The following FRMD5 variants were observed in gnomAD, a reference collection of about 807,000 sequenced individuals.
The protein encoded by FRMD5 is FERM domain containing 5.
FRMD5 carries 20 observed loss-of-function variants against 69.0 expected under a neutral mutation model. That is an observed-to-expected ratio of 0.29 (90% CI 0.20 to 0.42). The LOEUF is 0.42. FRMD5 is among the 10% of genes least tolerant of loss of function. FRMD5 has a pLI of 1.00. For missense variants in FRMD5, 595 were observed against 708.6 expected, an observed-to-expected ratio of 0.84 and a Z score of 1.82; for synonymous variants, 271 against 260.1, an observed-to-expected ratio of 1.04 and a Z score of -0.40.
At chr15:44,004,685 C>A (rs753278867) in intron 1 of FRMD5, among the ~76,000 whole-genome samples, 5 of 152,172 alleles carry the variant, frequency 3.3e-5, no homozygotes, top group Admixed American at 1.3e-4. Flanking sequence ...CCTCCCTATA[C>A]CCTGAGACAC....
chr15:43,909,561 A>G (rs2089246805), intron 5 of FRMD5, among the ~76,000 whole-genome samples: 1 of 151,128 alleles, frequency 6.6e-6, no homozygotes, highest in Non-Finnish European at 1.5e-5. Flanking sequence ...GCTCACTGCA[A>G]CCGCCACCTC....
chr15:44,133,390 C>T (rs1297983806), intron 1 of FRMD5, among the ~76,000 whole-genome samples: 1 of 151,574 alleles, frequency 6.6e-6, no homozygotes, highest in Non-Finnish European at 1.5e-5. Context: ...TCCTGGCTAA[C>T]ACGGTGAAAC....
intron 1 of FRMD5, among the ~76,000 whole-genome samples, chr15:44,164,383 T>C (rs1419765962): frequency 6.7e-6 from 1 of 148,378 alleles, no homozygotes; most frequent in Admixed American, 6.7e-5. Context: ...TTATTGGTCA[T>C]TTTTTTTTTG....
At chr15:44,185,184 G>GT (rs993113316) in intron 1 of FRMD5, among the ~76,000 whole-genome samples, 8 of 152,156 alleles carry the variant, frequency 5.3e-5, no homozygotes, top group African/African-American at 9.7e-5. Context: ...TCCTCTCCTG[G>GT]TTTTTTTAAA....
chr15:44,071,717 T>C (rs1893547601), intron 1 of FRMD5, among the ~76,000 whole-genome samples: 2 of 152,330 alleles, frequency 1.3e-5, no homozygotes, highest in Non-Finnish European at 2.9e-5. Flanking sequence ...ATCTCTTCCA[T>C]CATTTCAGCC....
chr15:43,921,483 T>C (rs1170476858), intron 2 of FRMD5, among the ~76,000 whole-genome samples: 1 of 152,126 alleles, frequency 6.6e-6, no homozygotes, highest in Non-Finnish European at 1.5e-5. Context: ...GGCTGGAGGA[T>C]AGTAGCAAGG....
intron 1 of FRMD5, among the ~76,000 whole-genome samples, chr15:44,091,886 G>T (rs1380263713): frequency 6.6e-6 from 1 of 151,964 alleles, no homozygotes; most frequent in Non-Finnish European, 1.5e-5. Context: ...AGTCAAGAGA[G>T]GAAGGAAAAA....
chr15:44,073,269 AC>A (rs2140418894), intron 1 of FRMD5, among the ~76,000 whole-genome samples: 1 of 152,156 alleles, frequency 6.6e-6, no homozygotes, highest in Non-Finnish European at 1.5e-5. Flanking sequence ...CCTTTTCTTG[AC>A]CCTTCCAGAC....
chr15:43,905,874 C>G lies in FRMD5; in HGVS notation c.505G>C (p.Glu169Gln). 1 of 1,614,118 alleles carries G rather than the reference C, an allele frequency of 6.2e-7. No individual in the cohort carries two copies. The highest frequency in any genetic ancestry group is 2.2e-5 in the East Asian group (1 of 44,902). Residue 169 changes from glutamate (E) to glutamine (Q), a missense_variant, in exon 6 of 14, where the codon GAG becomes CAG. Glu to Gln is a conservative substitution (Grantham distance 29). Coordinates refer to ENST00000417257, the MANE Select transcript of FRMD5 (RefSeq NM_032892.5). ...TCAGCAATTTTCCTTTCCAGCTTCT[C>G]TGAATGTTTAGGGAAAAACTGGAAC... ...SKFQFFPKHS[E>Q]KLERKIAEIH...
chr15:44,026,564 G>C (rs938663692), intron 1 of FRMD5, among the ~76,000 whole-genome samples: 1 of 151,972 alleles, frequency 6.6e-6, no homozygotes, highest in Admixed American at 6.5e-5. Context: ...ACTGAACTAC[G>C]AATCTGTTAT....
chr15:44,078,407 C>A (rs970169821), intron 1 of FRMD5, among the ~76,000 whole-genome samples: 2 of 152,012 alleles, frequency 1.3e-5, no homozygotes, highest in African/African-American at 4.8e-5. Flanking sequence ...ACTTCAAAGA[C>A]CACAAGTAAA....
At chr15:44,186,855 G>T (rs1487703954) in intron 1 of FRMD5, among the ~76,000 whole-genome samples, 2 of 152,244 alleles carry the variant, frequency 1.3e-5, no homozygotes, top group Admixed American at 1.3e-4. Flanking sequence ...CAAAGCTCTA[G>T]CCTGGCATTG....
rs139126818 is a variant in FRMD5 at position 44,123,124 on chromosome 15, C to T, written c.102+71829G>A. ...CTTTGGGAGGCCAAGGTGGGTGGAT[C>T]ACCTGAGGTCAGGAGTTTGAGACCA... On this transcript the variant is annotated intron_variant, in intron 1 of 13. Transcript: ENST00000417257. Among the ~76,000 whole-genome samples, 456 of 152,092 alleles carry T rather than the reference C, an allele frequency of 3.0e-3. 11 individuals carry two copies. The East Asian group carries it at 0.051, about 17-fold the overall frequency.
chr15:43,918,800 C>T (rs2089441582), intron 4 of FRMD5, among the ~76,000 whole-genome samples: 1 of 152,206 alleles, frequency 6.6e-6, no homozygotes, highest in Non-Finnish European at 1.5e-5. Flanking sequence ...GTAAATTTCG[C>T]TCAGATACAC....
intron 1 of FRMD5, among the ~76,000 whole-genome samples, chr15:44,191,716 C>G (rs945138503): frequency 4.6e-5 from 7 of 151,564 alleles, no homozygotes; most frequent in African/African-American, 1.7e-4. Flanking sequence ...CAAGTCCAGC[C>G]TAGGCAACAT....
At chr15:44,046,147 G>A (rs1487174148) in intron 1 of FRMD5, among the ~76,000 whole-genome samples, 2 of 152,092 alleles carry the variant, frequency 1.3e-5, no homozygotes, top group Non-Finnish European at 2.9e-5. Context: ...AATGAATGAA[G>A]TTCTCCTTTC....
intron 1 of FRMD5, among the ~76,000 whole-genome samples, chr15:44,000,218 G>C (rs1179520337): frequency 6.6e-6 from 1 of 151,522 alleles, no homozygotes; most frequent in East Asian, 1.9e-4. Context: ...GAATTCCTGA[G>C]CTCAAGTGAT....
chr15:44,151,116 G>A (rs555766549), intron 1 of FRMD5, among the ~76,000 whole-genome samples: 4 of 151,620 alleles, frequency 2.6e-5, no homozygotes, highest in African/African-American at 9.7e-5. Context: ...AACAAAAAAG[G>A]ACCGGGCGTG....
chr15:44,014,201 G>A (rs996994848), intron 1 of FRMD5, among the ~76,000 whole-genome samples: 1 of 152,132 alleles, frequency 6.6e-6, no homozygotes, highest in Non-Finnish European at 1.5e-5. Context: ...ATGAGAGGGG[G>A]TCTAGGTCAC....
Sources: gnomAD v4.1 joint callset for allele counts (sites outside exome capture counted in the v4.1 genomes callset) on GRCh38, gnomAD v4.1.1 for gene constraint, MANE v1.5 for transcripts, NCBI Gene and HGNC (gene_info 2026-07-23, HGNC 2026-07-21) for gene names.